Variants in EFEMP1 observed in about 807,000 individuals in gnomAD.
The protein encoded by EFEMP1 is EGF-containing fibulin-like extracellular matrix protein 1.
In EFEMP1, 18 loss-of-function variants were observed where a neutral mutation model predicts 65.7. The observed-to-expected ratio is 0.27, with a 90% CI of 0.19 to 0.41. The LOEUF is 0.41. EFEMP1 is among the 10% of genes least tolerant of loss of function. The pLI, the probability that EFEMP1 is intolerant of heterozygous loss-of-function variation, is 1.00. For missense variants in EFEMP1, 469 were observed against 624.8 expected (o/e 0.75, Z 2.66); for synonymous variants, 237 against 219.7 (o/e 1.08, Z -0.70).
chr2:55,917,547 C>A lies in EFEMP1; in HGVS notation c.517+118G>T. The A allele has an allele frequency of 7.7e-7, 1 of 1,297,346 alleles. No individual in the cohort carries two copies. Among genetic ancestry groups the A allele is most frequent in the African/African-American group, 1.5e-5 (1 of 68,760 alleles). 80.4% of individuals were successfully genotyped at this position (1,297,346 alleles called of 1,614,324 possible). A position where few individuals can be genotyped will look rare whatever the true frequency, so the allele number is the denominator to read the frequency against. ...TTGTGATGATTAAATATAATGCAGA[C>A]AAAGCACTTAGCATGATGTCTGGCA... On this transcript the variant is annotated intron_variant, in intron 5 of 11. Coordinates refer to ENST00000355426, the MANE Select transcript of EFEMP1 (RefSeq NM_001039348.3). This position sits in a 1 kb window ranked among gnomAD's most constrained non-coding sequence, Gnocchi z 6.3.
intron 5 of EFEMP1, among the ~76,000 whole-genome samples, chr2:55,905,477 C>T (rs960337074): frequency 6.6e-6 from 1 of 152,028 alleles, no homozygotes; most frequent in African/African-American, 2.4e-5. Flanking sequence ...GACAGAGTTT[C>T]GCTCTTGTTG....
chr2:55,901,177 T>C (rs1292283625), intron 5 of EFEMP1, among the ~76,000 whole-genome samples: 1 of 152,214 alleles, frequency 6.6e-6, no homozygotes, highest in Non-Finnish European at 1.5e-5. Flanking sequence ...GTGATATCCA[T>C]GATTCCCTAA....
At chr2:55,909,955 T>G (rs900271997) in intron 5 of EFEMP1, among the ~76,000 whole-genome samples, 2 of 152,220 alleles carry the variant, frequency 1.3e-5, no homozygotes, top group Non-Finnish European at 2.9e-5. Flanking sequence ...TTCACTGAAC[T>G]CTAATGGAAT....
At chr2:55,896,439 A>G (rs894188062) in intron 5 of EFEMP1, among the ~76,000 whole-genome samples, 3 of 152,240 alleles carry the variant, frequency 2.0e-5, no homozygotes, top group African/African-American at 7.2e-5. Context: ...GAGAAAAACT[A>G]GAAATGGCCT....
At chr2:55,897,619 C>A (rs934730547) in intron 5 of EFEMP1, among the ~76,000 whole-genome samples, 2 of 152,178 alleles carry the variant, frequency 1.3e-5, no homozygotes, top group African/African-American at 4.8e-5. Flanking sequence ...AGTTAAAATT[C>A]TTTTGGATTA....
At chr2:55,882,782 C>T (rs889926253) in intron 5 of EFEMP1, among the ~76,000 whole-genome samples, 2 of 152,022 alleles carry the variant, frequency 1.3e-5, no homozygotes, top group African/African-American at 2.4e-5. Context: ...CAAAATACTA[C>T]CCTGGGTCTA....
intron 5 of EFEMP1, among the ~76,000 whole-genome samples, chr2:55,895,766 C>G (rs1558475073): frequency 6.6e-6 from 1 of 151,670 alleles, no homozygotes; most frequent in South Asian, 2.1e-4. Flanking sequence ...TTGTCTCTAT[C>G]TCCTGACCTC....
chr2:55,875,117 C>G (rs1468721705), intron 8 of EFEMP1, 52 bp from the exon 9 acceptor site: 7 of 1,314,726 alleles, frequency 5.3e-6, no homozygotes, highest in Non-Finnish European at 7.3e-6. Flanking sequence ...TTGTGCACCA[C>G]TACTTTGGAT....
At chr2:55,880,331 G>A (rs1249801102) in intron 6 of EFEMP1, among the ~76,000 whole-genome samples, 1 of 152,120 alleles carries the variant, frequency 6.6e-6, no homozygotes, top group Non-Finnish European at 1.5e-5. Flanking sequence ...CATTATCTTT[G>A]ATTCACCCCA....
chr2:55,866,127 A>G lies in EFEMP1; in HGVS notation c.*946T>C, dbSNP rs886056189. 3 of 152,222 alleles carry G rather than the reference A, an allele frequency of 2.0e-5. No homozygotes were observed. The highest frequency in any genetic ancestry group is 1.3e-4 in the Admixed American group (2 of 15,276). The allele number at this position is 152,222 out of a possible 1,614,324, so 9.4% of individuals were successfully genotyped here. A position where few individuals can be genotyped will look rare whatever the true frequency, so the allele number is the denominator to read the frequency against. ...ACTCTGGATGCCAGGAATAAAAACC[A>G]TCATCATTTTCTTCCTCTGTGAGCA... is the stretch of plus-strand genomic sequence containing the variant. On this transcript the variant is annotated 3_prime_UTR_variant, in exon 12 of 12. Coordinates refer to ENST00000355426, the MANE Select transcript of EFEMP1 (RefSeq NM_001039348.3).
intron 5 of EFEMP1, among the ~76,000 whole-genome samples, chr2:55,897,973 G>A (rs1189382990): frequency 6.6e-6 from 1 of 152,138 alleles, no homozygotes; most frequent in Admixed American, 6.5e-5. Flanking sequence ...TGAATTCATC[G>A]TATTTTGCAG....
chr2:55,904,978 TC>T lies in EFEMP1; in HGVS notation c.517+12686del, dbSNP rs1325871526. Among the ~76,000 whole-genome samples the T allele has an allele frequency of 1.7e-3, 61 of 35,216 alleles. 13 individuals are homozygous for T. Among genetic ancestry groups the T allele is most frequent in the African/African-American group, 3.2e-3 (14 of 4,312 alleles). 23.1% of individuals were successfully genotyped at this position (35,216 alleles called of 152,430 possible). ...TAAGGGATAGTGGCTTTTTTTTTTT[TC>T]TTTTTCTTTTTTTTTTTTTTTTGCT... On this transcript the variant is annotated intron_variant, in intron 5 of 11. Coordinates refer to ENST00000355426, the MANE Select transcript of EFEMP1 (RefSeq NM_001039348.3).
chr2:55,885,306 G>A lies in EFEMP1; in HGVS notation c.518-3572C>T, dbSNP rs1405791810. ...ATGAGAAGAATGGCAGACAGATGGC[G>A]TCAGCACAGCTGCCGGGGCTCTGTG... On this transcript the variant is annotated intron_variant, in intron 5 of 11. Coordinates refer to ENST00000355426, the MANE Select transcript of EFEMP1 (RefSeq NM_001039348.3). This position sits in a 1 kb window ranked among gnomAD's most constrained non-coding sequence, Gnocchi z 4.3. Among the ~76,000 whole-genome samples the A allele has an allele frequency of 1.3e-5, 2 of 152,208 alleles. No homozygotes were observed. The highest frequency in any genetic ancestry group is 2.9e-5 in the Non-Finnish European group (2 of 68,044).
Position 55,923,483 on chromosome 2 carries a change from G to C in EFEMP1, c.-49+228C>G, listed in dbSNP as rs1670987729. On this transcript the variant is annotated intron_variant, in intron 1 of 11. Transcript: ENST00000355426. This position sits in a 1 kb window ranked among gnomAD's most constrained non-coding sequence, Gnocchi z 5.3. ...AGCCCTGCCGGCTGGTTGTCGGCGC[G>C]CACACACATGCCCATCCCAACAGAT... 6.6e-6 allele frequency among the ~76,000 whole-genome samples: 1 copy of C among 152,172 alleles called. No individual in the cohort carries two copies. The highest frequency in any genetic ancestry group is 1.5e-5 in the Non-Finnish European group (1 of 68,028).
In EFEMP1 at chr2:55,871,026, T is replaced by A; in HGVS notation, c.1098A>T (p.Gln366His). ...TCTCTGGTGTTAGAATGTAGGGATCTTGACAAGGATTTCGTGGATAACAAC... is the reference window on the plus strand; with the variant it reads ...TCTCTGGTGTTAGAATGTAGGGATCATGACAAGGATTTCGTGGATAACAAC... The part of the protein sequence containing the change: ...GFRCYPRNPC[Q>H]DPYILTPENR... Residue 366 changes from glutamine (Q) to histidine (H), a missense_variant, in exon 10 of 12, where the codon CAA (glutamine) becomes CAT (histidine). Gln to His is a conservative substitution (Grantham distance 24). Coordinates refer to ENST00000355426, the MANE Select transcript of EFEMP1 (RefSeq NM_001039348.3). The surrounding 1 kb of genome is among the most constrained non-coding windows in gnomAD (Gnocchi z 4.2). The A allele has an allele frequency of 1.9e-6, 3 of 1,613,748 alleles. No homozygotes were observed. Among genetic ancestry groups the A allele is most frequent in the Non-Finnish European group, 2.5e-6 (3 of 1,179,796 alleles).
At chr2:55,907,374 C>G (rs960535531) in intron 5 of EFEMP1, among the ~76,000 whole-genome samples, 1 of 152,148 alleles carries the variant, frequency 6.6e-6, no homozygotes, top group Non-Finnish European at 1.5e-5. Flanking sequence ...AGGCAGGTTT[C>G]TAAAGTGTCT....
chr2:55,891,618 C>T (rs1669631204), intron 5 of EFEMP1, among the ~76,000 whole-genome samples: 2 of 152,110 alleles, frequency 1.3e-5, no homozygotes, highest in African/African-American at 4.8e-5. Flanking sequence ...CTCCCAACAT[C>T]TGAAATACTT....
At position 55,873,288 on chromosome 2, in the gene EFEMP1, A is replaced by C. The variant is rs1668893186; in HGVS notation, c.1000+1658T>G. Among the ~76,000 whole-genome samples, 1 of 152,078 alleles carries C rather than the reference A, an allele frequency of 6.6e-6. No individual in the cohort carries two copies. Among genetic ancestry groups the C allele is most frequent in the African/African-American group, 2.4e-5 (1 of 41,436 alleles). ...TTTAGAAGAATGCTAAGTCTTTTTC[A>C]CAAAAAATGTTTTGGCTTAACCAAA... is the stretch of plus-strand genomic sequence containing the variant. On this transcript the variant is annotated intron_variant, in intron 9 of 11. Coordinates refer to ENST00000355426, the MANE Select transcript of EFEMP1 (RefSeq NM_001039348.3). This position sits in a 1 kb window ranked among gnomAD's most constrained non-coding sequence, Gnocchi z 4.6.
Position 55,923,152 on chromosome 2 carries a change from T to C in EFEMP1, c.-48-213A>G, listed in dbSNP as rs1244421586. Among the ~76,000 whole-genome samples, 1 of 152,116 alleles carries C rather than the reference T, an allele frequency of 6.6e-6. No individual in the cohort carries two copies. Among genetic ancestry groups the C allele is most frequent in the African/African-American group, 2.4e-5 (1 of 41,416 alleles). On this transcript the variant is annotated intron_variant, in intron 1 of 11. Coordinates refer to ENST00000355426, the MANE Select transcript of EFEMP1 (RefSeq NM_001039348.3). The surrounding 1 kb of genome is among the most constrained non-coding windows in gnomAD (Gnocchi z 5.3). ...CTTTGTTTAAAAGTCCCAGGTTGTGTGGAGGGGCAGCCCAAAGCGACTGAT... is the reference window on the plus strand; with the variant it reads ...CTTTGTTTAAAAGTCCCAGGTTGTGCGGAGGGGCAGCCCAAAGCGACTGAT...
Sources: gnomAD v4.1 joint callset for allele counts (sites outside exome capture counted in the v4.1 genomes callset) on GRCh38, gnomAD v4.1.1 for gene constraint, Gnocchi (gnomAD v3.1) non-coding constraint, MANE v1.5 for transcripts, NCBI Gene and HGNC (gene_info 2026-07-23, HGNC 2026-07-21) for gene names.